EYA2: variants seen among roughly 807,000 people sequenced by gnomAD.
EYA2 encodes the protein EYA transcriptional coactivator and phosphatase 2.
Under a neutral mutation model 69.2 loss-of-function variants are expected in EYA2, and 31 were observed. The ratio of observed to expected loss-of-function variants is 0.45; its 90% CI spans 0.34 to 0.60. The LOEUF is 0.60. EYA2 is among the 20% of genes least tolerant of loss of function. The probability of loss-of-function intolerance (pLI) is 0.02; values close to 1 mark genes in which losing one functional copy is unlikely to be tolerated. For missense variants in EYA2, 622 were observed against 701.2 expected (o/e 0.89, Z 1.28); for synonymous variants, 257 against 279.4 (o/e 0.92, Z 0.80).
chr20:46,924,669 CAA>C (rs10568771), intron 1 of EYA2, among the ~76,000 whole-genome samples: 4 of 88,364 alleles, frequency 4.5e-5, no homozygotes, highest in African/African-American at 1.7e-4. Flanking sequence ...GACTCCATCT[CAA>C]AAAAAAAAAA....
At chr20:46,931,598 A>G (rs776786955) in intron 1 of EYA2, among the ~76,000 whole-genome samples, 1 of 152,238 alleles carries the variant, frequency 6.6e-6, no homozygotes, top group Non-Finnish European at 1.5e-5. Flanking sequence ...GAGACTCAGC[A>G]TCAACAAATG....
chr20:47,188,587 A>C lies in EYA2; in HGVS notation c.*454A>C, dbSNP rs2034696146. On this transcript the variant is annotated 3_prime_UTR_variant, in exon 16 of 16. Transcript: ENST00000327619. ...TGAACTGGTATGTGGGGTGGTTCACAGTTCTAATGTAAGCACTCTATTCTC... is the reference window on the plus strand; with the variant it reads ...TGAACTGGTATGTGGGGTGGTTCACCGTTCTAATGTAAGCACTCTATTCTC... The C allele has an allele frequency of 2.4e-6, 1 of 413,754 alleles. No homozygotes were observed. Among genetic ancestry groups the C allele is most frequent in the East Asian group, 3.4e-5 (1 of 29,364 alleles). 25.6% of individuals were successfully genotyped at this position (413,754 alleles called of 1,614,324 possible).
chr20:47,066,262 G>T (rs1294028170), intron 5 of EYA2, among the ~76,000 whole-genome samples: 4 of 151,974 alleles, frequency 2.6e-5, no homozygotes, highest in Non-Finnish European at 1.5e-5. Context: ...AGTCTGGGAG[G>T]TCAAGACTGC....
chr20:47,042,181 A>G (rs1247853474), intron 5 of EYA2, among the ~76,000 whole-genome samples: 1 of 152,166 alleles, frequency 6.6e-6, no homozygotes, highest in Non-Finnish European at 1.5e-5. Flanking sequence ...CATATAAAGT[A>G]GAAATTATTA....
chr20:47,054,487 G>A (rs2030503336), intron 5 of EYA2, among the ~76,000 whole-genome samples: 2 of 152,186 alleles, frequency 1.3e-5, no homozygotes, highest in South Asian at 4.1e-4. Context: ...CCTGCACCAG[G>A]TGTTTCTGAG....
intron 2 of EYA2, among the ~76,000 whole-genome samples, chr20:46,990,379 C>T (rs1437733282): frequency 2.0e-5 from 3 of 152,194 alleles, no homozygotes; most frequent in Non-Finnish European, 4.4e-5. Context: ...AATGCTGACA[C>T]CACCACGGAT....
At chr20:47,035,169 G>A (rs917016555) in intron 5 of EYA2, among the ~76,000 whole-genome samples, 2 of 152,172 alleles carry the variant, frequency 1.3e-5, no homozygotes, top group Admixed American at 1.3e-4. Context: ...ACTGCGTCCT[G>A]TCCCTGAGCT....
At chr20:47,152,212 G>A (rs1473483493) in intron 10 of EYA2, among the ~76,000 whole-genome samples, 1 of 151,590 alleles carries the variant, frequency 6.6e-6, no homozygotes, top group African/African-American at 2.4e-5. Flanking sequence ...AACCTCAGCC[G>A]GGTGCCTGGA....
intron 5 of EYA2, among the ~76,000 whole-genome samples, chr20:47,016,804 A>G (rs1258657919): frequency 1.3e-5 from 2 of 152,254 alleles, no homozygotes; most frequent in African/African-American, 4.8e-5. Flanking sequence ...AGACTGGAGC[A>G]AAGTCAGAAG....
At chr20:47,087,308 T>C (rs1467197751) in intron 7 of EYA2, among the ~76,000 whole-genome samples, 1 of 152,218 alleles carries the variant, frequency 6.6e-6, no homozygotes. Flanking sequence ...ATCCAAGAAC[T>C]GGCAATTAGG....
intron 1 of EYA2, among the ~76,000 whole-genome samples, chr20:46,900,781 T>A (rs1246383626): frequency 6.6e-6 from 1 of 152,202 alleles, no homozygotes; most frequent in South Asian, 2.1e-4. Flanking sequence ...CATTCCAAAT[T>A]TTTAGATTGT....
In EYA2 at chr20:47,117,956, A is replaced by G. The variant is rs74566199; in HGVS notation, c.888+20788A>G. 2.6e-5 allele frequency among the ~76,000 whole-genome samples: 4 copies of G among 152,140 alleles called. No homozygotes were observed. In the East Asian group the frequency reaches 7.7e-4, roughly 29 times the overall value. On this transcript the variant is annotated intron_variant, in intron 9 of 15. Coordinates refer to ENST00000327619, the MANE Select transcript of EYA2 (RefSeq NM_005244.5). ...ATTTCTCCTGAGCTCAGCTGTGTTT[A>G]TTTACATTTTCTTGGTCATGTGAGG... is the stretch of plus-strand genomic sequence containing the variant.
At chr20:47,027,799 A>G (rs1441848797) in intron 5 of EYA2, among the ~76,000 whole-genome samples, 1 of 152,226 alleles carries the variant, frequency 6.6e-6, no homozygotes, top group Admixed American at 6.5e-5. Flanking sequence ...GCTACTGAGC[A>G]CTGAAATGTG....
At chr20:47,040,651 C>CT (rs1456121834) in intron 5 of EYA2, among the ~76,000 whole-genome samples, 5 of 152,324 alleles carry the variant, frequency 3.3e-5, no homozygotes, top group African/African-American at 9.6e-5. Context: ...ACGCATAGCT[C>CT]CTTTAATCAC....
intron 3 of EYA2, among the ~76,000 whole-genome samples, chr20:47,004,491 T>TACTC (rs10657417): frequency 0.85 from 129,367 of 151,966 alleles, 56,623 homozygotes; most frequent in Non-Finnish European, 0.97. Flanking sequence ...GTTTGTTTCT[T>TACTC]ACATAAAGTC....
intron 10 of EYA2, among the ~76,000 whole-genome samples, chr20:47,168,924 C>T (rs144070659): frequency 5.3e-5 from 8 of 152,180 alleles, no homozygotes; most frequent in African/African-American, 1.9e-4. Context: ...AGTCAACCTG[C>T]TCATTTATAA....
chr20:47,031,308 T>C (rs919788414), intron 5 of EYA2, among the ~76,000 whole-genome samples: 1 of 151,876 alleles, frequency 6.6e-6, no homozygotes, highest in Non-Finnish European at 1.5e-5. Context: ...GGGGAATGAG[T>C]TGGCCGGTGC....
rs1206774 is a variant in EYA2 at position 46,964,902 on chromosome 20, C to G, written c.-10-25099C>G. Among the ~76,000 whole-genome samples, 277 of 152,270 alleles carry G rather than the reference C, an allele frequency of 1.8e-3. 1 individual carries two copies. The highest frequency in any genetic ancestry group is 6.5e-3 in the African/African-American group (270 of 41,542). ...TAGGGGATAATACACTGAGTACTCT[C>G]GTGAGGATTTAGTAAGGGACGGTCA... On this transcript the variant is annotated intron_variant, in intron 1 of 15. Transcript: ENST00000327619.
intron 2 of EYA2, among the ~76,000 whole-genome samples, chr20:46,995,685 C>T (rs748773312): frequency 3.3e-5 from 5 of 152,206 alleles, no homozygotes; most frequent in South Asian, 2.1e-4. Context: ...CCTTAGAAGC[C>T]GGCCCCTGGG....
Sources: allele counts gnomAD v4.1 joint callset (sites outside exome capture counted in the v4.1 genomes callset), GRCh38; gene constraint gnomAD v4.1.1; transcripts MANE v1.5; gene names NCBI Gene and HGNC (gene_info 2026-07-23, HGNC 2026-07-21).